The following ARHGEF10L variants were observed in gnomAD, a reference collection of about 807,000 sequenced individuals.
ARHGEF10L encodes the protein Rho guanine nucleotide exchange factor 10 like.
ARHGEF10L carries 69 observed loss-of-function variants against 141.2 expected under a neutral mutation model. That is an observed-to-expected ratio of 0.49 (90% CI 0.40 to 0.60). ARHGEF10L has a LOEUF of 0.60. Among genes scored for constraint, ARHGEF10L ranks in the 20% least tolerant of loss-of-function variants. The pLI is 0.00. For synonymous variants in ARHGEF10L, 711 were observed against 718.5 expected (o/e 0.99, Z 0.17); for missense variants, 1,482 against 1,734.3 (o/e 0.85, Z 2.58).
intron 1 of ARHGEF10L, among the ~76,000 whole-genome samples, chr1:17,568,942 C>T (rs548705748): frequency 6.6e-6 from 1 of 152,304 alleles, no homozygotes; most frequent in East Asian, 1.9e-4. Flanking sequence ...TCCCACAGCC[C>T]CAGTCCGCAT....
intron 27 of ARHGEF10L, among the ~76,000 whole-genome samples, chr1:17,693,518 A>G (rs2065252935): frequency 6.6e-6 from 1 of 152,190 alleles, no homozygotes. Context: ...ATACACCCAC[A>G]TGTATGGAGT....
At chr1:17,629,374 T>C (rs921229054) in intron 15 of ARHGEF10L, among the ~76,000 whole-genome samples, 2 of 152,026 alleles carry the variant, frequency 1.3e-5, no homozygotes, top group South Asian at 2.1e-4. Flanking sequence ...CATTTAAAAA[T>C]TGAGAGAGAT....
intron 2 of ARHGEF10L, among the ~76,000 whole-genome samples, chr1:17,583,110 T>C (rs567077802): frequency 7.2e-6 from 1 of 139,610 alleles, no homozygotes; most frequent in South Asian, 2.2e-4. Flanking sequence ...GAGTCTGAAG[T>C]AGGAGGATCA....
chr1:17,523,418 A>G, the ARHGEF10L span, among the ~76,000 whole-genome samples: 1 of 151,984 alleles, frequency 6.6e-6, no homozygotes, highest in South Asian at 2.1e-4. Flanking sequence ...TTTATTGGGC[A>G]CCCACCGTAT....
In ARHGEF10L at chr1:17,697,028, G is replaced by A. The variant is rs909502879; in HGVS notation, c.3488G>A (p.Arg1163Gln). The change falls in exon 29 of 29, where the codon CGA becomes CAA. Residue 1163 changes from arginine to glutamine, a missense_variant. Arg to Gln is a conservative substitution (Grantham distance 43). Around this residue, in one of 3 missense-constraint regions of ARHGEF10L, gnomAD observed 858 missense variants for 966.3 expected, o/e 0.89. Transcript: ENST00000361221. This position sits in a 1 kb window ranked among gnomAD's most constrained non-coding sequence, Gnocchi z 4.8. Reference sequence around the variant, plus strand: ...CCCATGCCCGATAGCCACGTGGGCCGAGAGCTGACCCGCAAGAAGGGCATC... The same window carrying A: ...CCCATGCCCGATAGCCACGTGGGCCAAGAGCTGACCCGCAAGAAGGGCATC... ...HEPMPDSHVG[R>Q]ELTRKKGILL... The A allele has an allele frequency of 1.1e-5, 18 of 1,606,424 alleles. No individual in the cohort carries two copies. The highest frequency in any genetic ancestry group is 4.0e-5 in the African/African-American group (3 of 74,834).
In ARHGEF10L at chr1:17,544,439, C is replaced by T. The variant is rs575630701; in HGVS notation, c.-44+4489C>T. The stretch of plus-strand genomic sequence containing the variant: ...CCTCCCGAGTAGCTGGGACTACAGG[C>T]GTGCACCACTACTCCCGGCTAATTT... On this transcript the variant is annotated intron_variant, in intron 1 of 28. Transcript: ENST00000361221. 4.0e-4 allele frequency among the ~76,000 whole-genome samples: 61 copies of T among 151,308 alleles called. 1 individual carries two copies. The highest frequency in any genetic ancestry group is 1.4e-3 in the African/African-American group (56 of 41,214).
At chr1:17,662,134 GTAGT>G (rs1398941736) in intron 25 of ARHGEF10L, among the ~76,000 whole-genome samples, 1 of 152,138 alleles carries the variant, frequency 6.6e-6, no homozygotes, top group Non-Finnish European at 1.5e-5. Flanking sequence ...GTGAATTGGG[GTAGT>G]TATTTAAACT....
At chr1:17,576,249 A>G (rs1461673299) in intron 1 of ARHGEF10L, among the ~76,000 whole-genome samples, 1 of 152,164 alleles carries the variant, frequency 6.6e-6, no homozygotes, top group Admixed American at 6.5e-5. Context: ...CTCTGGGCAG[A>G]TGGACTTTGA....
intron 26 of ARHGEF10L, among the ~76,000 whole-genome samples, chr1:17,687,204 C>T (rs74061954): frequency 0.015 from 2,221 of 152,298 alleles, 60 homozygotes; most frequent in African/African-American, 0.051. Context: ...CTCTGAGGGG[C>T]CACTGGGACC....
At chr1:17,567,844 T>C (rs947660053) in intron 1 of ARHGEF10L, among the ~76,000 whole-genome samples, 1 of 152,188 alleles carries the variant, frequency 6.6e-6, no homozygotes, top group African/African-American at 2.4e-5. Context: ...TGCACAGAGC[T>C]TGGTCATTGC....
chr1:17,641,922 A>G (rs1316891458), intron 21 of ARHGEF10L, among the ~76,000 whole-genome samples: 1 of 151,072 alleles, frequency 6.6e-6, no homozygotes. Flanking sequence ...CGGAGGTTGC[A>G]GTGAGCCAAG....
Position 17,632,444 on chromosome 1 carries a change from G to C in ARHGEF10L, c.1708G>C (p.Val570Leu), listed in dbSNP as rs771169236. The C allele has an allele frequency of 6.2e-7, 1 of 1,614,028 alleles. No homozygotes were observed. Among genetic ancestry groups the C allele is most frequent in the African/African-American group, 1.3e-5 (1 of 74,910 alleles). Residue 570 changes from valine (V) to leucine (L), a missense_variant, in exon 16 of 29, where the codon GTC becomes CTC. This residue lies in a region of ARHGEF10L where 858 missense variants were observed against 966.3 expected (regional missense o/e 0.89). Transcript: ENST00000361221. The part of the protein sequence containing the change: ...RRVFLLNDML[V>L]CANINFKPAN... ...GGTCTTCCTGCTCAACGACATGCTT[G>C]TCTGTGCCAACATCAACTTCAAGTA...
intron 1 of ARHGEF10L, among the ~76,000 whole-genome samples, chr1:17,576,767 A>G (rs1200327908): frequency 6.6e-6 from 1 of 152,042 alleles, no homozygotes; most frequent in African/African-American, 2.4e-5. Flanking sequence ...TCTTACTCCC[A>G]CCGCCCCAGT....
rs770451114 is a variant in ARHGEF10L at position 17,634,913 on chromosome 1, G to A, written c.1824G>A (p.Val608=). Residue 608 remains valine (V), a synonymous_variant, in exon 18 of 29, where the codon GTG becomes GTA. Transcript: ENST00000361221. ...VVKWNTALPQ[V]QVVEVGQDGG... ...AGTGGAACACGGCGCTGCCCCAGGT[G>A]CAGGTGGTGGAGGTGGGCCAGGACG... 2 of 1,614,126 alleles carry A rather than the reference G, an allele frequency of 1.2e-6. No homozygotes were observed. The highest frequency in any genetic ancestry group is 1.7e-5 in the Admixed American group (1 of 60,020).
At chr1:17,518,779 G>A in the ARHGEF10L span, among the ~76,000 whole-genome samples, 15 of 141,840 alleles carry the variant, frequency 1.1e-4, no homozygotes, top group Non-Finnish European at 2.0e-4. Context: ...TTCCAGCCTG[G>A]GTAATAGAGC....
chr1:17,542,151 G>GAAAAAAT (rs941923808), intron 1 of ARHGEF10L, among the ~76,000 whole-genome samples: 8 of 150,170 alleles, frequency 5.3e-5, no homozygotes, highest in African/African-American at 2.0e-4. Context: ...AAGAAAAAAA[G>GAAAAAAT]AAAAGAAAAG....
chr1:17,567,897 A>G (rs1443682151), intron 1 of ARHGEF10L, among the ~76,000 whole-genome samples: 3 of 152,128 alleles, frequency 2.0e-5, no homozygotes, highest in Non-Finnish European at 4.4e-5. Context: ...TTGCTGTCTC[A>G]TTTTTGGATC....
chr1:17,678,546 A>G (rs1056925510), intron 26 of ARHGEF10L, among the ~76,000 whole-genome samples: 1 of 151,750 alleles, frequency 6.6e-6, no homozygotes, highest in African/African-American at 2.4e-5. Context: ...CAGCCTCCCA[A>G]GTAGCTGGGA....
intron 1 of ARHGEF10L, among the ~76,000 whole-genome samples, chr1:17,572,181 T>C (rs2078030648): frequency 6.6e-6 from 1 of 152,184 alleles, no homozygotes; most frequent in South Asian, 2.1e-4. Flanking sequence ...GTCCACCCGA[T>C]GTGGGAGGGT....
Sources: allele counts gnomAD v4.1 joint callset (sites outside exome capture counted in the v4.1 genomes callset), GRCh38; gene constraint gnomAD v4.1.1; regional missense constraint gnomAD v4.1.1; non-coding constraint Gnocchi (gnomAD v3.1); transcripts MANE v1.5; gene names NCBI Gene and HGNC (gene_info 2026-07-23, HGNC 2026-07-21).